The following SIPA1L1 variants were observed in gnomAD, a reference collection of about 807,000 sequenced individuals.
SIPA1L1 encodes signal induced proliferation associated 1 like 1, also known as signal-induced proliferation-associated 1-like protein 1.
In SIPA1L1, 26 loss-of-function variants were observed where a neutral mutation model predicts 162.7. The observed-to-expected ratio is 0.16, with a 90% CI of 0.12 to 0.22. SIPA1L1 has a LOEUF of 0.22. Ranked by LOEUF, SIPA1L1 falls within the 10% of genes least tolerant of loss-of-function variation. The probability of loss-of-function intolerance (pLI) is 1.00; values close to 1 mark genes in which losing one functional copy is unlikely to be tolerated. For missense variants in SIPA1L1, 1,874 were observed against 2,241.0 expected (o/e 0.84, Z 3.31); for synonymous variants, 829 against 837.4 (o/e 0.99, Z 0.17).
At chr14:71,482,760 C>G (rs1201627704) in intron 2 of SIPA1L1, among the ~76,000 whole-genome samples, 1 of 152,162 alleles carries the variant, frequency 6.6e-6, no homozygotes, top group East Asian at 1.9e-4. Context: ...TGACTCCTCT[C>G]CATCTTCTCT....
intron 4 of SIPA1L1, among the ~76,000 whole-genome samples, chr14:71,539,050 A>T (rs1444092084): frequency 6.6e-6 from 1 of 152,142 alleles, no homozygotes; most frequent in Non-Finnish European, 1.5e-5. Context: ...AGATGCACTC[A>T]TTTTGATTTC....
chr14:71,468,046 GTC>G (rs1364391616), intron 2 of SIPA1L1, among the ~76,000 whole-genome samples: 19 of 140,578 alleles, frequency 1.4e-4, no homozygotes, highest in African/African-American at 3.6e-4. Context: ...GTGTGTGTGT[GTC>G]TGTCTGTGTC....
At chr14:71,467,701 C>T (rs1252268905) in intron 2 of SIPA1L1, among the ~76,000 whole-genome samples, 1 of 151,768 alleles carries the variant, frequency 6.6e-6, no homozygotes, top group African/African-American at 2.4e-5. Flanking sequence ...TTAGTGCATA[C>T]CTCTGGCACC....
intron 7 of SIPA1L1, among the ~76,000 whole-genome samples, chr14:71,634,041 T>C (rs1169880907): frequency 6.6e-6 from 1 of 151,678 alleles, no homozygotes; most frequent in Non-Finnish European, 1.5e-5. Context: ...TAGTAAAATT[T>C]TTGAACACTA....
intron 7 of SIPA1L1, among the ~76,000 whole-genome samples, chr14:71,625,740 A>G (rs2039915953): frequency 6.6e-6 from 1 of 152,246 alleles, no homozygotes; most frequent in African/African-American, 2.4e-5. Context: ...CATTTCTACT[A>G]CTGTGTTTAT....
At chr14:71,329,124 A>G (rs1241921208) in intron 2 of SIPA1L1, among the ~76,000 whole-genome samples, 1 of 152,198 alleles carries the variant, frequency 6.6e-6, no homozygotes, top group Non-Finnish European at 1.5e-5. Context: ...TTAAAGGTTT[A>G]ATAGTATTCC....
In SIPA1L1 at chr14:71,418,070, C is replaced by T. The variant is rs904576126; in HGVS notation, c.-464-94673C>T. On this transcript the variant is annotated intron_variant, in intron 2 of 23. Transcript: ENST00000381232. ...TCGTATTTACTAATGCTGTTGTACC[C>T]TTTTTCTCTTCAGTAGGAACAACTT... 6 of 152,254 alleles carry T rather than the reference C, an allele frequency of 3.9e-5. No individual in the cohort carries two copies. The South Asian group carries it at 1.0e-3, about 26-fold the overall frequency. The allele number at this position is 152,254 out of a possible 1,614,324, so 9.4% of individuals were successfully genotyped here.
chr14:71,324,872 G>A (rs1166387092), intron 2 of SIPA1L1, among the ~76,000 whole-genome samples: 1 of 152,098 alleles, frequency 6.6e-6, no homozygotes, highest in East Asian at 1.9e-4. Flanking sequence ...TGGGGCTGGG[G>A]GTGTTAGGTG....
At chr14:71,734,880 A>G (rs1049047428) in intron 21 of SIPA1L1, among the ~76,000 whole-genome samples, 1 of 152,214 alleles carries the variant, frequency 6.6e-6, no homozygotes, top group Non-Finnish European at 1.5e-5. Context: ...GTGTCCAGGA[A>G]TCTTGTGGTG....
intron 2 of SIPA1L1, among the ~76,000 whole-genome samples, chr14:71,387,293 A>G (rs2040413101): frequency 6.7e-6 from 1 of 149,666 alleles, no homozygotes; most frequent in Non-Finnish European, 1.5e-5. Flanking sequence ...CTGAGTAAAT[A>G]TTGTTAATAC....
At chr14:71,622,758 A>G (rs1162887762) in intron 6 of SIPA1L1, among the ~76,000 whole-genome samples, 1 of 152,104 alleles carries the variant, frequency 6.6e-6, no homozygotes, top group East Asian at 1.9e-4. Flanking sequence ...AGTTCATCTT[A>G]TTTGCAGCTT....
chr14:71,663,161 T>A lies in SIPA1L1; in HGVS notation c.2255+1694T>A, dbSNP rs2043687303. On this transcript the variant is annotated intron_variant, in intron 10 of 23. Coordinates refer to ENST00000381232, the MANE Select transcript of SIPA1L1 (RefSeq NM_001386936.1). The stretch of plus-strand genomic sequence containing the variant: ...TGCCAAGATATAGATGAAATTAATG[T>A]TGACACTGTTTTTGACCAATTTATA... 2.0e-5 allele frequency among the ~76,000 whole-genome samples: 3 copies of A among 152,240 alleles called. No homozygotes were observed. The South Asian group carries it at 6.2e-4, about 32-fold the overall frequency.
At chr14:71,635,125 A>G (rs533409300) in intron 7 of SIPA1L1, among the ~76,000 whole-genome samples, 4 of 152,116 alleles carry the variant, frequency 2.6e-5, no homozygotes, top group African/African-American at 9.6e-5. Context: ...TAAAAATACA[A>G]AAAATTAGCC....
At chr14:71,441,573 G>T (rs921104297) in intron 2 of SIPA1L1, among the ~76,000 whole-genome samples, 11 of 152,214 alleles carry the variant, frequency 7.2e-5, no homozygotes. Context: ...CTGCATTCAG[G>T]TACCATGTCT....
intron 13 of SIPA1L1, among the ~76,000 whole-genome samples, chr14:71,692,646 C>T (rs1190831526): frequency 2.6e-5 from 4 of 152,228 alleles, no homozygotes; most frequent in Non-Finnish European, 2.9e-5. Context: ...CAGCTTGGCA[C>T]ACCTCCCAGT....
At chr14:71,710,331 G>A (rs975907205) in intron 17 of SIPA1L1, among the ~76,000 whole-genome samples, 1 of 152,126 alleles carries the variant, frequency 6.6e-6, no homozygotes, top group Non-Finnish European at 1.5e-5. Context: ...CTCTTGATTG[G>A]AGCCTAAAAT....
intron 2 of SIPA1L1, among the ~76,000 whole-genome samples, chr14:71,403,313 A>G (rs1258823609): frequency 1.3e-5 from 2 of 152,098 alleles, no homozygotes; most frequent in Non-Finnish European, 2.9e-5. Flanking sequence ...CATAAAAAGA[A>G]TCTTGGCCTG....
At chr14:71,474,487 G>A (rs190706121) in intron 2 of SIPA1L1, among the ~76,000 whole-genome samples, 37 of 152,230 alleles carry the variant, frequency 2.4e-4, no homozygotes, top group African/African-American at 8.2e-4. Flanking sequence ...TATCTCTTAG[G>A]TCCAGGCACC....
intron 4 of SIPA1L1, among the ~76,000 whole-genome samples, chr14:71,551,332 C>T (rs1395501653): frequency 6.6e-6 from 1 of 152,180 alleles, no homozygotes; most frequent in Non-Finnish European, 1.5e-5. Flanking sequence ...GAAACCTCTT[C>T]TTCCCAGGCA....
Sources: allele counts gnomAD v4.1 joint callset (sites outside exome capture counted in the v4.1 genomes callset), GRCh38; gene constraint gnomAD v4.1.1; transcripts MANE v1.5; gene names NCBI Gene and HGNC (gene_info 2026-07-23, HGNC 2026-07-21).